FSTL4: variants seen among roughly 807,000 people sequenced by gnomAD.
FSTL4 encodes follistatin-related protein 4.
FSTL4 carries 28 observed loss-of-function variants against 78.2 expected under a neutral mutation model. The ratio of observed to expected loss-of-function variants is 0.36; its 90% CI spans 0.27 to 0.49. FSTL4 has a LOEUF of 0.49. Ranked by LOEUF, FSTL4 falls within the 20% of genes least tolerant of loss-of-function variation. The pLI is 0.98. For synonymous variants in FSTL4, 422 were observed against 440.5 expected (o/e 0.96, Z 0.53); for missense variants, 922 against 1,084.9 (o/e 0.85, Z 2.11).
At position 133,505,781 on chromosome 5, in the gene FSTL4, G is replaced by A. The variant is rs575834682; in HGVS notation, c.160+61405C>T. On this transcript the variant is annotated intron_variant, in intron 3 of 15. Transcript: ENST00000265342. Reference sequence around the variant, plus strand: ...GGTTCCTACTAGCAGATGAAGCAACGGAAGGTTGTTTATAACGTTACTGCT... The same window carrying A: ...GGTTCCTACTAGCAGATGAAGCAACAGAAGGTTGTTTATAACGTTACTGCT... Among the ~76,000 whole-genome samples the A allele has an allele frequency of 3.9e-5, 6 of 152,308 alleles. No homozygotes were observed. In the East Asian group the frequency reaches 5.8e-4, roughly 15 times the overall value.
intron 3 of FSTL4, among the ~76,000 whole-genome samples, chr5:133,508,476 T>G (rs1172609268): frequency 6.6e-6 from 1 of 152,184 alleles, no homozygotes; most frequent in Non-Finnish European, 1.5e-5. Context: ...AACACGTGAA[T>G]AAGGATTATG....
At chr5:133,285,143 A>T (rs1266329227) in intron 6 of FSTL4, among the ~76,000 whole-genome samples, 2 of 152,358 alleles carry the variant, frequency 1.3e-5, no homozygotes, top group East Asian at 3.9e-4. Flanking sequence ...TGGCTAGTTC[A>T]TGAGGGAACA....
chr5:133,733,681 T>G, the FSTL4 span, among the ~76,000 whole-genome samples: 4 of 152,260 alleles, frequency 2.6e-5, no homozygotes, highest in African/African-American at 4.8e-5. Context: ...TATCTATCAC[T>G]GCATGACAAA....
At chr5:133,352,208 T>C (rs1332153104) in intron 4 of FSTL4, among the ~76,000 whole-genome samples, 2 of 150,820 alleles carry the variant, frequency 1.3e-5, no homozygotes, top group Non-Finnish European at 2.9e-5. Context: ...CCCCTCCCCA[T>C]TAGTCCCCAC....
the FSTL4 span, among the ~76,000 whole-genome samples, chr5:133,652,085 G>A: frequency 1.3e-5 from 2 of 151,942 alleles, no homozygotes; most frequent in Non-Finnish European, 2.9e-5. Flanking sequence ...AATGTCCATG[G>A]GATCTATAGT....
the FSTL4 span, among the ~76,000 whole-genome samples, chr5:133,701,864 C>G: frequency 2.6e-5 from 4 of 152,172 alleles, no homozygotes; most frequent in African/African-American, 9.7e-5. Context: ...GCCAAGAGAA[C>G]AGGTCCTGTG....
chr5:133,318,935 T>G (rs553654665), intron 4 of FSTL4, among the ~76,000 whole-genome samples: 43 of 152,330 alleles, frequency 2.8e-4, no homozygotes, highest in African/African-American at 9.6e-4. Flanking sequence ...GAGAGCGCCC[T>G]GGGAGTTCTT....
chr5:133,554,208 G>A (rs997813964), intron 3 of FSTL4, among the ~76,000 whole-genome samples: 59 of 152,174 alleles, frequency 3.9e-4, no homozygotes, highest in African/African-American at 1.1e-3. Flanking sequence ...GAGTGCAGTC[G>A]TGAAGACTGG....
At chr5:133,256,557 T>C (rs1752386801) in intron 6 of FSTL4, 2 of 152,262 alleles carry the variant, frequency 1.3e-5, no homozygotes, top group Non-Finnish European at 2.9e-5. Flanking sequence ...TGGTGTGCTT[T>C]TTGTCTCCTC....
intron 6 of FSTL4, among the ~76,000 whole-genome samples, 161 bp from the exon 7 acceptor site, chr5:133,249,737 C>T (rs1752160049): frequency 6.6e-6 from 1 of 152,258 alleles, no homozygotes; most frequent in African/African-American, 2.4e-5. Context: ...TAGAGATAGA[C>T]ACTTTTGCTG....
intron 3 of FSTL4, among the ~76,000 whole-genome samples, chr5:133,497,513 C>T (rs1758392623): frequency 6.6e-6 from 1 of 152,150 alleles, no homozygotes; most frequent in Admixed American, 6.5e-5. Flanking sequence ...AGCCCAAGCT[C>T]AGGCAGCTCC....
intron 4 of FSTL4, among the ~76,000 whole-genome samples, chr5:133,347,424 G>A (rs1007872773): frequency 2.4e-4 from 36 of 152,284 alleles, no homozygotes; most frequent in African/African-American, 8.7e-4. Flanking sequence ...TCAGCTCACT[G>A]CAACCTCTGC....
chr5:133,725,982 G>A, the FSTL4 span, among the ~76,000 whole-genome samples: 33 of 152,196 alleles, frequency 2.2e-4, no homozygotes, highest in African/African-American at 5.8e-4. Flanking sequence ...GTGGTCTGAA[G>A]AGTGCCAGAG....
At chr5:133,413,046 C>T (rs1290086702) in intron 3 of FSTL4, among the ~76,000 whole-genome samples, 3 of 151,948 alleles carry the variant, frequency 2.0e-5, no homozygotes, top group Admixed American at 6.6e-5. Context: ...TGATTTTCTT[C>T]TTCTGCTCAT....
intron 3 of FSTL4, among the ~76,000 whole-genome samples, chr5:133,536,867 C>T (rs891282934): frequency 1.5e-4 from 23 of 152,050 alleles, no homozygotes; most frequent in African/African-American, 5.6e-4. Context: ...TTTATACATT[C>T]CTCTGTTGCT....
chr5:133,701,014 A>G, the FSTL4 span, among the ~76,000 whole-genome samples: 3 of 152,232 alleles, frequency 2.0e-5, no homozygotes, highest in Non-Finnish European at 4.4e-5. Flanking sequence ...CATTTTGTGT[A>G]GATAAGAAAT....
intron 3 of FSTL4, among the ~76,000 whole-genome samples, chr5:133,450,544 A>T (rs938030317): frequency 1.6e-4 from 25 of 152,260 alleles, no homozygotes; most frequent in African/African-American, 5.5e-4. Context: ...CAGGGTTAAA[A>T]AAAGTGCATG....
chr5:133,751,488 G>A, the FSTL4 span, among the ~76,000 whole-genome samples: 1 of 152,222 alleles, frequency 6.6e-6, no homozygotes, highest in African/African-American at 2.4e-5. Flanking sequence ...TTCAATGGAA[G>A]AGTTGTCAAA....
chr5:133,805,729 C>A, the FSTL4 span, among the ~76,000 whole-genome samples: 1 of 152,200 alleles, frequency 6.6e-6, no homozygotes, highest in Non-Finnish European at 1.5e-5. Context: ...CTGCTCAGTT[C>A]TCCCAACATG....
Sources: gnomAD v4.1 joint callset for allele counts (sites outside exome capture counted in the v4.1 genomes callset) on GRCh38, gnomAD v4.1.1 for gene constraint, MANE v1.5 for transcripts, NCBI Gene and HGNC (gene_info 2026-07-23, HGNC 2026-07-21) for gene names.